Variants in AGMO observed in about 807,000 individuals in gnomAD.
AGMO encodes glyceryl-ether monooxygenase.
Under a neutral mutation model 60.2 loss-of-function variants are expected in AGMO, and 75 were observed. The ratio of observed to expected loss-of-function variants is 1.25; its 90% CI spans 1.03 to 1.51. AGMO has a LOEUF of 1.51. Ranked by LOEUF, AGMO falls within the 40% of genes most tolerant of loss-of-function variation. The pLI, the probability that AGMO is intolerant of heterozygous loss-of-function variation, is 0.00. For synonymous variants in AGMO, 261 were observed against 177.1 expected (o/e 1.47, Z -3.76); for missense variants, 763 against 525.5 (o/e 1.45, Z -4.42).
chr7:15,365,661 C>T (rs376005573), intron 11 of AGMO, 42 bp from the exon 12 acceptor site: 13 of 1,313,146 alleles, frequency 9.9e-6, no homozygotes, highest in Admixed American at 3.5e-5. Flanking sequence ...TTTAAATATG[C>T]TCTTTATATG....
At chr7:15,361,060 T>C (rs1353687799) in intron 12 of AGMO, among the ~76,000 whole-genome samples, 1 of 152,136 alleles carries the variant, frequency 6.6e-6, no homozygotes, top group Non-Finnish European at 1.5e-5. Context: ...TGGAAATCAT[T>C]TGTTACTAAG....
the AGMO span, among the ~76,000 whole-genome samples, chr7:15,118,446 C>T: frequency 5.9e-5 from 9 of 152,150 alleles, no homozygotes; most frequent in Admixed American, 2.6e-4. Flanking sequence ...AGAGTTGTCA[C>T]TATTGATTAT....
intron 3 of AGMO, among the ~76,000 whole-genome samples, chr7:15,535,701 A>G (rs995195792): frequency 6.6e-6 from 1 of 151,950 alleles, no homozygotes; most frequent in African/African-American, 2.4e-5. Flanking sequence ...GGTACATGAG[A>G]TATTTTGGTG....
intron 12 of AGMO, among the ~76,000 whole-genome samples, chr7:15,224,716 C>T (rs760169298): frequency 2.0e-5 from 3 of 152,000 alleles, no homozygotes; most frequent in Non-Finnish European, 4.4e-5. Context: ...TGAGCACCAA[C>T]CACTTTCCTT....
intron 12 of AGMO, among the ~76,000 whole-genome samples, chr7:15,230,328 C>A (rs1044544708): frequency 6.6e-6 from 1 of 151,850 alleles, no homozygotes; most frequent in African/African-American, 2.4e-5. Context: ...TGGTTGTCTG[C>A]AAAATTTAAG....
intron 3 of AGMO, among the ~76,000 whole-genome samples, chr7:15,496,212 A>T (rs1028863374): frequency 6.6e-6 from 1 of 152,158 alleles, no homozygotes; most frequent in Non-Finnish European, 1.5e-5. Context: ...GGGTGACACC[A>T]CAGTGAGAAA....
intron 12 of AGMO, among the ~76,000 whole-genome samples, chr7:15,325,503 T>A: frequency 6.6e-6 from 1 of 152,064 alleles, no homozygotes. Flanking sequence ...AAAATTTACA[T>A]CCAAGCTAAC....
intron 3 of AGMO, among the ~76,000 whole-genome samples, chr7:15,539,946 G>A (rs975642631): frequency 6.6e-6 from 1 of 152,072 alleles, no homozygotes; most frequent in Non-Finnish European, 1.5e-5. Flanking sequence ...TAATATATGA[G>A]GAGGCTGCCT....
chr7:15,536,830 T>C (rs1722211794), intron 3 of AGMO, among the ~76,000 whole-genome samples: 1 of 152,004 alleles, frequency 6.6e-6, no homozygotes, highest in South Asian at 2.1e-4. Flanking sequence ...TCTTTCATTA[T>C]GCTATTTTAT....
intron 4 of AGMO, among the ~76,000 whole-genome samples, chr7:15,426,872 T>A (rs970583458): frequency 1.3e-5 from 2 of 151,852 alleles, no homozygotes; most frequent in African/African-American, 4.8e-5. Context: ...TTGAGAGAAG[T>A]GAAAATCGTT....
At chr7:15,237,672 T>A (rs142370888) in intron 12 of AGMO, among the ~76,000 whole-genome samples, 3 of 152,138 alleles carry the variant, frequency 2.0e-5, no homozygotes, top group Non-Finnish European at 4.4e-5. Flanking sequence ...ATACCTATAA[T>A]TGCCCTTTAA....
At chr7:15,210,154 AATTTTT>A (rs1781547025) in intron 12 of AGMO, among the ~76,000 whole-genome samples, 1 of 152,136 alleles carries the variant, frequency 6.6e-6, no homozygotes, top group African/African-American at 2.4e-5. Flanking sequence ...CAGGGACAAT[AATTTTT>A]CTTTTTCCTT....
chr7:15,489,852 T>A (rs1783024345), intron 3 of AGMO, among the ~76,000 whole-genome samples: 1 of 152,154 alleles, frequency 6.6e-6, no homozygotes, highest in Non-Finnish European at 1.5e-5. Context: ...TAAAGGAAAA[T>A]AATTTATAAT....
chr7:15,314,679 C>T (rs925087753), intron 12 of AGMO, among the ~76,000 whole-genome samples: 3 of 152,088 alleles, frequency 2.0e-5, no homozygotes, highest in African/African-American at 7.2e-5. Context: ...GGTAGGGCCT[C>T]TCTAAAGATG....
At position 15,521,067 on chromosome 7, in the gene AGMO, C is replaced by A. The variant is rs540298968; in HGVS notation, c.409+23705G>T. On this transcript the variant is annotated intron_variant, in intron 3 of 12. Transcript: ENST00000342526. ...CTACCATCAAAGAATACTACAAACACCTCTATGCAAATAAATTAGAAAATC... is the reference window on the plus strand; with the variant it reads ...CTACCATCAAAGAATACTACAAACAACTCTATGCAAATAAATTAGAAAATC... Among the ~76,000 whole-genome samples the A allele has an allele frequency of 3.9e-5, 6 of 152,248 alleles. No homozygotes were observed. In the South Asian group the frequency reaches 1.0e-3, roughly 26 times the overall value.
chr7:15,312,651 G>T (rs962315623), intron 12 of AGMO, among the ~76,000 whole-genome samples: 10 of 152,004 alleles, frequency 6.6e-5, no homozygotes, highest in Admixed American at 1.3e-4. Flanking sequence ...AAAAACTGAA[G>T]AGTTTACTGC....
chr7:15,269,622 T>A (rs766590731), intron 12 of AGMO, among the ~76,000 whole-genome samples: 17 of 152,070 alleles, frequency 1.1e-4, no homozygotes, highest in Non-Finnish European at 2.4e-4. Context: ...AATTTAATTT[T>A]ATTTTACATT....
intron 5 of AGMO, among the ~76,000 whole-genome samples, chr7:15,395,723 A>C (rs188056871): frequency 2.8e-3 from 420 of 152,344 alleles, no homozygotes; most frequent in Non-Finnish European, 4.8e-3. Context: ...AAGTTTGTTA[A>C]AAATTTAAAC....
rs113593882 is a variant in AGMO, at chr7:15,381,458, A to C, written c.1074+3988T>G. ...CATCACTGACTGTTAGAGAAATGCA[A>C]ATCAAAACCACAATGGTGTACCATC... On this transcript the variant is annotated intron_variant, in intron 10 of 12. Coordinates refer to ENST00000342526, the MANE Select transcript of AGMO (RefSeq NM_001004320.2). Among the ~76,000 whole-genome samples, 604 of 152,276 alleles carry C rather than the reference A, an allele frequency of 4.0e-3. 4 individuals carry two copies. Among genetic ancestry groups the C allele is most frequent in the African/African-American group, 0.013 (558 of 41,566 alleles).
Sources: gnomAD v4.1 joint callset for allele counts (sites outside exome capture counted in the v4.1 genomes callset) on GRCh38, gnomAD v4.1.1 for gene constraint, MANE v1.5 for transcripts, NCBI Gene and HGNC (gene_info 2026-07-23, HGNC 2026-07-21) for gene names.